The following ADGRB1 variants were observed in gnomAD, a reference collection of about 807,000 sequenced individuals.
ADGRB1 encodes adhesion G protein-coupled receptor B1.
ADGRB1 carries 36 observed loss-of-function variants against 175.7 expected under a neutral mutation model. The observed-to-expected ratio is 0.20, with a 90% CI of 0.16 to 0.27. ADGRB1 has a LOEUF of 0.27. Ranked by LOEUF, ADGRB1 falls within the 10% of genes least tolerant of loss-of-function variation. The pLI is 1.00. For synonymous variants in ADGRB1, 1,054 were observed against 979.4 expected (o/e 1.08, Z -1.42); for missense variants, 1,731 against 2,255.3 (o/e 0.77, Z 4.71).
intron 6 of ADGRB1, 105 bp from the exon 7 acceptor site, chr8:142,478,082 G>A: frequency 6.9e-7 from 1 of 1,452,636 alleles, no homozygotes. Context: ...TATGTCCCAG[G>A]CTGGGTGTGG....
Position 142,510,935 on chromosome 8 carries a change from C to T in ADGRB1, c.2679C>T (p.Pro893=). The T allele has an allele frequency of 1.6e-6, 2 of 1,255,944 alleles. No individual in the cohort carries two copies. Among genetic ancestry groups the T allele is most frequent in the South Asian group, 1.6e-5 (1 of 63,098 alleles). The allele number at this position is 1,255,944 out of a possible 1,614,324, so 77.8% of individuals were successfully genotyped here. Residue 893 remains proline (P), a synonymous_variant, in exon 18 of 31, where the codon CCC becomes CCT. Coordinates refer to ENST00000517894, the MANE Select transcript of ADGRB1 (RefSeq NM_001702.3). This position sits in a 1 kb window ranked among gnomAD's most constrained non-coding sequence, Gnocchi z 6.3. Reference sequence around the variant, plus strand: ...CCCGTGTCCCGCCCGCCCCCAGACCCTCCTCCTCCGCCCCCCCGCAGCTCG... The same window carrying T: ...CCCGTGTCCCGCCCGCCCCCAGACCTTCCTCCTCCGCCCCCCCGCAGCTCG... ...TCILWDETDV[P]SSSAPPQLGP...
chr8:142,526,163 C>T (rs1378533593), intron 23 of ADGRB1, among the ~76,000 whole-genome samples: 1 of 152,122 alleles, frequency 6.6e-6, no homozygotes, highest in Non-Finnish European at 1.5e-5. Context: ...GTGGCCTGCC[C>T]AGAGCAGAGA....
chr8:142,488,938 G>A (rs1029600459), intron 14 of ADGRB1, 97 bp from the exon 15 acceptor site: 52 of 1,407,154 alleles, frequency 3.7e-5, no homozygotes, highest in Non-Finnish European at 4.9e-5. Flanking sequence ...GAAGATGGGC[G>A]GCAGATGCCA....
chr8:142,527,753 C>T (rs768316150), intron 24 of ADGRB1, among the ~76,000 whole-genome samples: 3 of 152,332 alleles, frequency 2.0e-5, no homozygotes, highest in Admixed American at 6.5e-5. Flanking sequence ...CCTACCTGGT[C>T]GTAAAAGCAG....
At chr8:142,452,191 CG>C (rs1839391082) in intron 1 of ADGRB1, among the ~76,000 whole-genome samples, 1 of 152,212 alleles carries the variant, frequency 6.6e-6, no homozygotes, top group East Asian at 1.9e-4. Flanking sequence ...AGACTTGTTG[CG>C]CCTCGATCTG....
chr8:142,484,772 T>C lies in ADGRB1; in HGVS notation c.2308+8T>C. ...AGGTGACAGACAACCTGGGTAAGCC[T>C]GCCCGCCTGCTGCCACCCCCCATGC... On this transcript the variant is annotated splice_region_variant and intron_variant, in intron 13 of 30. Coordinates refer to ENST00000517894, the MANE Select transcript of ADGRB1 (RefSeq NM_001702.3). The C allele has an allele frequency of 1.3e-6, 2 of 1,579,040 alleles. No homozygotes were observed. Among genetic ancestry groups the C allele is most frequent in the Middle Eastern group, 1.7e-4 (1 of 6,010 alleles).
chr8:142,472,661 ATT>A lies in ADGRB1; in HGVS notation c.785-2810_785-2809del, dbSNP rs903077279. On this transcript the variant is annotated intron_variant, in intron 2 of 30. Transcript: ENST00000517894. The stretch of plus-strand genomic sequence containing the variant: ...AACAAGAATAAAAATAGCAGCTACC[ATT>A]TTCTCAGTGTTCATTAGTAGCAGGA... Among the ~76,000 whole-genome samples the A allele has an allele frequency of 3.7e-4, 56 of 152,112 alleles. 1 individual carries two copies. The highest frequency in any genetic ancestry group is 5.9e-4 in the Admixed American group (9 of 15,284).
rs1843796906 is a variant in ADGRB1 at position 142,520,874 on chromosome 8, C to T, written c.2973C>T (p.Ile991=). 6.2e-7 allele frequency: 1 copy of T among 1,613,768 alleles called. No individual in the cohort carries two copies. Among genetic ancestry groups the T allele is most frequent in the Non-Finnish European group, 8.5e-7 (1 of 1,179,752 alleles). The change falls in exon 20 of 31, where the codon ATC becomes ATT. Residue 991 remains isoleucine (I), a synonymous_variant. Coordinates refer to ENST00000517894, the MANE Select transcript of ADGRB1 (RefSeq NM_001702.3). ...SVILINFCLS[I]ISSNALILIG... ...TCCTCATCAACTTCTGCCTGTCCAT[C>T]ATCTCCTCCAATGCCCTCATCCTCA... is the stretch of plus-strand genomic sequence containing the variant.
At chr8:142,540,344 T>A (rs1385685803) in intron 27 of ADGRB1, among the ~76,000 whole-genome samples, 2 of 152,250 alleles carry the variant, frequency 1.3e-5, no homozygotes, top group African/African-American at 4.8e-5. Flanking sequence ...TGTGAACCAG[T>A]CCCACAGCCT....
At position 142,480,713 on chromosome 8, in the gene ADGRB1, C is replaced by T. The variant is rs542282238; in HGVS notation, c.1829-541C>T. On this transcript the variant is annotated intron_variant, in intron 9 of 30. Transcript: ENST00000517894. ...GGCTGCGACAGTTCTTTGTGGCTGC[C>T]GCCACCCTGTAAACACTCAGCTGTC... Among the ~76,000 whole-genome samples, 444 of 152,270 alleles carry T rather than the reference C, an allele frequency of 2.9e-3. 4 individuals carry two copies. The highest frequency in any genetic ancestry group is 0.01 in the African/African-American group (417 of 41,558).
rs538131475 is a variant in ADGRB1 at position 142,473,488 on chromosome 8, A to G, written c.785-1986A>G. ...AGTCCAGGTTCCTCTCCTTGTCCTGAGTTAGGGCATGTGACAGGGCAGCCA... is the reference window on the plus strand; with the variant it reads ...AGTCCAGGTTCCTCTCCTTGTCCTGGGTTAGGGCATGTGACAGGGCAGCCA... On this transcript the variant is annotated intron_variant, in intron 2 of 30. Transcript: ENST00000517894. 3.9e-5 allele frequency among the ~76,000 whole-genome samples: 6 copies of G among 152,236 alleles called. No individual in the cohort carries two copies. In the South Asian group the frequency reaches 1.2e-3, roughly 32 times the overall value.
intron 17 of ADGRB1, among the ~76,000 whole-genome samples, chr8:142,491,046 G>A (rs1420931097): frequency 1.3e-5 from 2 of 152,180 alleles, no homozygotes; most frequent in African/African-American, 4.8e-5. Flanking sequence ...AGGAGCGGAC[G>A]TGGAGGTCCA....
intron 1 of ADGRB1, among the ~76,000 whole-genome samples, chr8:142,452,982 C>T (rs1839445115): frequency 6.8e-6 from 1 of 147,854 alleles, no homozygotes; most frequent in African/African-American, 2.4e-5. Flanking sequence ...GCCTGGCCCG[C>T]GGCTCCGGCC....
intron 25 of ADGRB1, among the ~76,000 whole-genome samples, chr8:142,533,852 G>A (rs1052234888): frequency 1.2e-4 from 18 of 152,354 alleles, no homozygotes; most frequent in African/African-American, 3.6e-4. Flanking sequence ...TCCAGAAGGT[G>A]TCACTAGAAG....
chr8:142,491,575 G>A (rs1841982756), intron 17 of ADGRB1, among the ~76,000 whole-genome samples: 1 of 152,230 alleles, frequency 6.6e-6, no homozygotes, highest in Non-Finnish European at 1.5e-5. Flanking sequence ...ATAGAGCGAT[G>A]GCGGCCGGGT....
Position 142,542,780 on chromosome 8 carries a change from CCCCTGG to C in ADGRB1, c.4413+139_4413+144del. ...CTCTGCCTCCTAGCTACACCCCCCACCCCTGGCCCTGCTGGGTGTGCTGTGTATGTC... is the reference window on the plus strand; with the variant it reads ...CTCTGCCTCCTAGCTACACCCCCCACCCCTGCTGGGTGTGCTGTGTATGTC... On this transcript the variant is annotated intron_variant, in intron 28 of 30. Coordinates refer to ENST00000517894, the MANE Select transcript of ADGRB1 (RefSeq NM_001702.3). The surrounding 1 kb of genome is among the most constrained non-coding windows in gnomAD (Gnocchi z 6.3). 2.5e-6 allele frequency: 2 copies of C among 814,554 alleles called. No homozygotes were observed. Among genetic ancestry groups the C allele is most frequent in the Non-Finnish European group, 3.7e-6 (2 of 544,402 alleles). The allele number at this position is 814,554 out of a possible 1,614,324, so 50.5% of individuals were successfully genotyped here.
rs1422073776 is a variant in ADGRB1 at position 142,544,320 on chromosome 8, C to T, written c.4658C>T (p.Pro1553Leu). 2.7e-5 allele frequency: 42 copies of T among 1,548,718 alleles called. No individual in the cohort carries two copies. Among genetic ancestry groups the T allele is most frequent in the Non-Finnish European group, 3.6e-5 (41 of 1,146,352 alleles). ...AAGAAGGAGCTGGAGCCGCTGCAGC[C>T]GTCGCCGCTGGAGCTTCGCAGCGTG... ...WVKKELEPLQ[P>L]SPLELRSVEW... The change falls in exon 31 of 31, where the codon CCG becomes CTG. Residue 1553 changes from proline to leucine, a missense_variant. This residue lies in a region of ADGRB1 where 394 missense variants were observed against 410.2 expected (regional missense o/e 0.96). Transcript: ENST00000517894.
chr8:142,522,566 G>A lies in ADGRB1; in HGVS notation c.3176-75G>A, dbSNP rs919150658. Reference sequence around the variant, plus strand: ...CGCCTGCCTGGCCCCCGCCCTTCACGGCAGGGCTAGGAGGAGGTGGAGGCT... The same window carrying A: ...CGCCTGCCTGGCCCCCGCCCTTCACAGCAGGGCTAGGAGGAGGTGGAGGCT... On this transcript the variant is annotated intron_variant, in intron 21 of 30. Transcript: ENST00000517894. 7.6e-5 allele frequency: 108 copies of A among 1,417,322 alleles called. 1 individual carries two copies. The Admixed American group carries it at 8.0e-4, about 10-fold the overall frequency. 87.8% of individuals were successfully genotyped at this position (1,417,322 alleles called of 1,614,324 possible).
In ADGRB1 at chr8:142,453,715, C is replaced by T. The variant is rs113252585; in HGVS notation, c.-220+3611C>T. Among the ~76,000 whole-genome samples the T allele has an allele frequency of 9.1e-3, 1,392 of 152,298 alleles. 16 individuals are homozygous for T. The highest frequency in any genetic ancestry group is 0.032 in the African/African-American group (1,316 of 41,570). ...GAGGGCGTGGTCCTGTGCAATCCCC[C>T]ACCCCAAGCACTAAGGCTGCGGGAA... On this transcript the variant is annotated intron_variant, in intron 1 of 30. Transcript: ENST00000517894.
Sources: gnomAD v4.1 joint callset for allele counts (sites outside exome capture counted in the v4.1 genomes callset) on GRCh38, gnomAD v4.1.1 for gene constraint, gnomAD v4.1.1 regional missense constraint, Gnocchi (gnomAD v3.1) non-coding constraint, MANE v1.5 for transcripts, NCBI Gene and HGNC (gene_info 2026-07-23, HGNC 2026-07-21) for gene names.